The following PCSK9 variants were observed in gnomAD, a reference collection of about 807,000 sequenced individuals.
PCSK9 encodes the protein convertase subtilisin/kexin type 9 preproprotein.
A neutral mutation model predicts 62.1 loss-of-function variants in PCSK9; 57 were observed. The observed-to-expected ratio is 0.92, with a 90% CI of 0.74 to 1.14. The LOEUF is 1.14. PCSK9 is among the 50% of genes most tolerant of loss of function. The pLI, the probability that PCSK9 is intolerant of heterozygous loss-of-function variation, is 0.00. For missense variants in PCSK9, 870 were observed against 959.8 expected (o/e 0.91, Z 1.24); for synonymous variants, 387 against 409.4 (o/e 0.95, Z 0.66).
At chr1:55,060,467 C>A (rs1319489339) in intron 10 of PCSK9, among the ~76,000 whole-genome samples, 1 of 152,150 alleles carries the variant, frequency 6.6e-6, no homozygotes, top group Non-Finnish European at 1.5e-5. Flanking sequence ...TGGTTCTGGG[C>A]ACAGCAGGCT....
intron 5 of PCSK9, among the ~76,000 whole-genome samples, chr1:55,053,001 C>A (rs1413541418): frequency 6.6e-6 from 1 of 152,250 alleles, no homozygotes; most frequent in African/African-American, 2.4e-5. Context: ...GAGGGTCATG[C>A]AGGTAGCCCA....
In PCSK9 at chr1:55,043,833, A is replaced by T. The variant is rs761104090; in HGVS notation, c.208-10A>T. 14 of 1,613,784 alleles carry T rather than the reference A, an allele frequency of 8.7e-6. No homozygotes were observed. Among genetic ancestry groups the T allele is most frequent in the African/African-American group, 2.7e-5 (2 of 74,932 alleles). On this transcript the variant is annotated splice_polypyrimidine_tract_variant and intron_variant, in intron 1 of 11. Transcript: ENST00000302118. ...TCCATGTCATCATGTTCCTCCTTGCATGGGGCCAGGATCCGTGGAGGTTGC... is the reference window on the plus strand; with the variant it reads ...TCCATGTCATCATGTTCCTCCTTGCTTGGGGCCAGGATCCGTGGAGGTTGC...
chr1:55,061,378 G>T lies in PCSK9; in HGVS notation c.1685G>T (p.Cys562Phe). 1.2e-6 allele frequency: 2 copies of T among 1,606,672 alleles called. No homozygotes were observed. The highest frequency in any genetic ancestry group is 1.7e-6 in the Non-Finnish European group (2 of 1,177,800). The stretch of plus-strand genomic sequence containing the variant: ...AGCTGGCTTTCCTCTGCCCCAGGCT[G>T]CAGCTCCCACTGGGAGGTGGAGGAC... ...CHQQGHVLTG[C>F]SSHWEVEDLG... Residue 562 changes from cysteine to phenylalanine, a missense_variant, in exon 11 of 12, where the codon TGC becomes TTC. Physicochemically the swap from Cys to Phe is radical, Grantham distance 205. Coordinates refer to ENST00000302118, the MANE Select transcript of PCSK9 (RefSeq NM_174936.4).
At chr1:55,048,554 C>G (rs184563367) in intron 3 of PCSK9, among the ~76,000 whole-genome samples, 9 of 152,294 alleles carry the variant, frequency 5.9e-5, no homozygotes, top group South Asian at 2.1e-4. Flanking sequence ...TGTGGAACCC[C>G]TTCTGGAGTC....
chr1:55,046,552 C>G lies in PCSK9; in HGVS notation c.429C>G (p.Ile143Met), dbSNP rs368511429. Residue 143 changes from isoleucine (I) to methionine (M), a missense_variant, in exon 3 of 12, where the codon ATC becomes ATG. Transcript: ENST00000302118. ...LALKLPHVDY[I>M]EEDSSVFAQS... ...TGAAGTTGCCCCATGTCGACTACATCGAGGAGGACTCCTCTGTCTTTGCCC... is the reference window on the plus strand; with the variant it reads ...TGAAGTTGCCCCATGTCGACTACATGGAGGAGGACTCCTCTGTCTTTGCCC... 1.2e-6 allele frequency: 2 copies of G among 1,614,138 alleles called. No individual in the cohort carries two copies. Among genetic ancestry groups the G allele is most frequent in the Admixed American group, 3.3e-5 (2 of 60,026 alleles).
intron 3 of PCSK9, among the ~76,000 whole-genome samples, chr1:55,048,879 GT>G (rs1361697425): frequency 1.3e-5 from 2 of 152,246 alleles, no homozygotes; most frequent in African/African-American, 4.8e-5. Flanking sequence ...GTGAGGTGCT[GT>G]GATTTTAGCC....
At chr1:55,052,180 C>T in intron 3 of PCSK9, 98 bp from the exon 4 acceptor site, 32 of 1,535,432 alleles carry the variant, frequency 2.1e-5, no homozygotes, top group Non-Finnish European at 2.9e-5. Context: ...AAGGCGCTTT[C>T]ACCAGTGCCT....
rs745633457 is a variant in PCSK9, at chr1:55,052,644, G to A, written c.658-6G>A. 2.5e-6 allele frequency: 4 copies of A among 1,612,714 alleles called. No homozygotes were observed. Among genetic ancestry groups the A allele is most frequent in the East Asian group, 2.2e-5 (1 of 44,882 alleles). On this transcript the variant is annotated splice_region_variant and splice_polypyrimidine_tract_variant and intron_variant, in intron 4 of 11. Coordinates refer to ENST00000302118, the MANE Select transcript of PCSK9 (RefSeq NM_174936.4). ...TTCTCATGTGGTCCTTGTGTTCGTC[G>A]AGCAGGCCAGCAAGTGTGACAGTCA...
chr1:55,063,731 C>T lies in PCSK9; in HGVS notation c.*147C>T. ...CGCCTTTCCGGGGCTGCTGGCCTGG[C>T]CCTTGAGTGGGGCAGCCTCCTTGCC... On this transcript the variant is annotated 3_prime_UTR_variant, in exon 12 of 12. Transcript: ENST00000302118. The T allele has an allele frequency of 2.0e-6, 2 of 985,542 alleles. No homozygotes were observed. Among genetic ancestry groups the T allele is most frequent in the Non-Finnish European group, 2.9e-6 (2 of 685,446 alleles). 61.0% of individuals were successfully genotyped at this position (985,542 alleles called of 1,614,324 possible). A position where few individuals can be genotyped will look rare whatever the true frequency, so the allele number is the denominator to read the frequency against.
chr1:55,042,705 C>T (rs28362216), intron 1 of PCSK9, among the ~76,000 whole-genome samples: 35 of 152,310 alleles, frequency 2.3e-4, no homozygotes, highest in African/African-American at 7.7e-4. Flanking sequence ...GCAGGTATGT[C>T]TGCCTGAGAG....
intron 5 of PCSK9, 76 bp from the exon 6 acceptor site, chr1:55,055,915 ACT>A: frequency 7.3e-7 from 1 of 1,362,450 alleles, no homozygotes; most frequent in Non-Finnish European, 9.9e-7. Context: ...ATTAACCATC[ACT>A]CTGTGCCTGT....
intron 10 of PCSK9, 105 bp from the exon 11 acceptor site, chr1:55,061,270 C>T (rs1644756568): frequency 7.8e-7 from 1 of 1,289,812 alleles, no homozygotes; most frequent in East Asian, 2.5e-5. Context: ...TCTAGGTTTC[C>T]TAGCTCTTGC....
Position 55,046,708 on chromosome 1 carries a change from G to A in PCSK9, c.523+62G>A, listed in dbSNP as rs1279140865. 3.8e-6 allele frequency: 6 copies of A among 1,598,384 alleles called. No individual in the cohort carries two copies. The African/African-American group carries it at 4.0e-5, about 11-fold the overall frequency. ...GAGCTGAATCCATTTGCTCTGCCCTGGCCTGGCCTCCCTGCTGGTGGTTTC... is the reference window on the plus strand; with the variant it reads ...GAGCTGAATCCATTTGCTCTGCCCTAGCCTGGCCTCCCTGCTGGTGGTTTC... On this transcript the variant is annotated intron_variant, in intron 3 of 11. Coordinates refer to ENST00000302118, the MANE Select transcript of PCSK9 (RefSeq NM_174936.4).
chr1:55,058,255 G>T, intron 8 of PCSK9, 46 bp downstream of exon 8: 2 of 1,594,278 alleles, frequency 1.3e-6, no homozygotes, highest in Non-Finnish European at 1.7e-6. Context: ...GGGCTTGGGA[G>T]GTCTGTGTGA....
Position 55,057,440 on chromosome 1 carries a change from T to C in PCSK9, c.1106T>C (p.Ile369Thr), listed in dbSNP as rs1338429889. The C allele has an allele frequency of 6.2e-7, 1 of 1,613,998 alleles. No homozygotes were observed. The highest frequency in any genetic ancestry group is 8.5e-7 in the Non-Finnish European group (1 of 1,180,044). ...VDLFAPGEDI[I>T]GASSDCSTCF... ...CTCTTTGCCCCAGGGGAGGACATCA[T>C]TGGTGCCTCCAGCGACTGCAGCACC... The change falls in exon 7 of 12, where the codon ATT (isoleucine) becomes ACT (threonine). Residue 369 changes from isoleucine (I) to threonine (T), a missense_variant. Coordinates refer to ENST00000302118, the MANE Select transcript of PCSK9 (RefSeq NM_174936.4).
intron 5 of PCSK9, among the ~76,000 whole-genome samples, chr1:55,055,322 C>T (rs1020409309): frequency 1.3e-5 from 2 of 150,840 alleles, no homozygotes; most frequent in South Asian, 4.2e-4. Flanking sequence ...CAGAGAGTGG[C>T]GGGGGAAGTT....
chr1:55,063,542 C>A lies in PCSK9; in HGVS notation c.2037C>A (p.Cys679Ter), dbSNP rs28362286. The change falls in exon 12 of 12, where the codon TGC (cysteine) becomes TGA (stop). Residue 679 changes from cysteine to a stop codon, truncating the protein, a stop_gained. Transcript: ENST00000302118. LOFTEE classifies it high-confidence loss of function. ...EGAVTAVAICCRSRHLAQASQ... is the reference protein window; with the variant it reads ...EGAVTAVAIC ...CCGTGACAGCCGTTGCCATCTGCTG[C>A]CGGAGCCGGCACCTGGCGCAGGCCT... 716 of 1,613,110 alleles carry A rather than the reference C, an allele frequency of 4.4e-4. 4 individuals are homozygous for A. In the African/African-American group the frequency reaches 8.8e-3, roughly 20 times the overall value.
chr1:55,055,967 G>T, intron 5 of PCSK9, 26 bp from the exon 6 acceptor site: 1 of 1,589,798 alleles, frequency 6.3e-7, no homozygotes, highest in Non-Finnish European at 8.6e-7. Context: ...CTCCCCAAGG[G>T]GTGACCTTGG....
Position 55,039,747 on chromosome 1 carries a change from TCCCCACC to T in PCSK9, c.-90_-84del. 6.9e-7 allele frequency: 1 copy of T among 1,443,066 alleles called. No homozygotes were observed. The highest frequency in any genetic ancestry group is 1.2e-5 in the South Asian group (1 of 81,638). 89.4% of individuals were successfully genotyped at this position (1,443,066 alleles called of 1,614,324 possible). ...CTGAACTTCAGCTCCTGCACAGTCC[TCCCCACC>T]GCAAGGCTCAAGGCGCCGCCGGCGT... On this transcript the variant is annotated 5_prime_UTR_variant, in exon 1 of 12. Transcript: ENST00000302118.
Sources: gnomAD v4.1 joint callset for allele counts (sites outside exome capture counted in the v4.1 genomes callset) on GRCh38, gnomAD v4.1.1 for gene constraint, MANE v1.5 for transcripts, NCBI Gene and HGNC (gene_info 2026-07-23, HGNC 2026-07-21) for gene names.